Variants in DNTTIP1 observed in about 807,000 individuals in gnomAD.
DNTTIP1 encodes the protein deoxynucleotidyltransferase terminal interacting protein 1.
Under a neutral mutation model 52.9 loss-of-function variants are expected in DNTTIP1, and 22 were observed. That is an observed-to-expected ratio of 0.42 (90% CI 0.30 to 0.59). DNTTIP1 has a LOEUF of 0.59. DNTTIP1 is among the 20% of genes least tolerant of loss of function. The pLI, the probability that DNTTIP1 is intolerant of heterozygous loss-of-function variation, is 0.22. For missense variants in DNTTIP1, 286 were observed against 435.5 expected (o/e 0.66, Z 3.06); for synonymous variants, 136 against 155.1 (o/e 0.88, Z 0.92).
Position 45,792,095 on chromosome 20 carries a change from C to T in DNTTIP1, c.91C>T (p.Gln31Ter). Residue 31 changes from glutamine to a stop codon, truncating the protein, a stop_gained, in exon 1 of 13, where the codon CAG becomes TAG. Transcript: ENST00000372622. LOFTEE classifies it high-confidence loss of function. ...GCTGGGGGATGCGGGCGCAGCGGGG[C>T]AGCTGGTTCTTACGGTGAGGGCGCC... Reference protein sequence around the residue: ...LELGDAGAAGQLVLTNPWNIM... With the variant: ...LELGDAGAAG The T allele has an allele frequency of 7.8e-7, 1 of 1,285,256 alleles. No individual in the cohort carries two copies. The highest frequency in any genetic ancestry group is 2.8e-5 in the East Asian group (1 of 35,448). 79.6% of individuals were successfully genotyped at this position (1,285,256 alleles called of 1,614,324 possible).
chr20:45,803,859 C>T (rs936643090), intron 8 of DNTTIP1, among the ~76,000 whole-genome samples: 2 of 152,198 alleles, frequency 1.3e-5, no homozygotes, highest in South Asian at 2.1e-4. Context: ...CGTAAGTGAT[C>T]GAGCTGAGTC....
chr20:45,803,072 C>T, intron 7 of DNTTIP1: 1 of 450,326 alleles, frequency 2.2e-6, no homozygotes, highest in South Asian at 3.2e-5. Flanking sequence ...CTGTTTTTGT[C>T]TCTTTTGACA....
Position 45,793,958 on chromosome 20 carries a change from G to T in DNTTIP1, c.214G>T (p.Ala72Ser). 1 of 1,601,212 alleles carries T rather than the reference G, an allele frequency of 6.2e-7. No homozygotes were observed. The highest frequency in any genetic ancestry group is 8.5e-7 in the Non-Finnish European group (1 of 1,173,776). The change falls in exon 3 of 13, where the codon GCT (alanine) becomes TCT (serine). Residue 72 changes from alanine to serine, a missense_variant. By Grantham distance (99) the Ala-to-Ser change is moderately conservative. Coordinates refer to ENST00000372622, the MANE Select transcript of DNTTIP1 (RefSeq NM_052951.3). ...TGCCATCTCCATGGATCTCCTCCGAGCTGTCCTGCAGCCCAGCATCAACGA... is the reference window on the plus strand; with the variant it reads ...TGCCATCTCCATGGATCTCCTCCGATCTGTCCTGCAGCCCAGCATCAACGA... ...DPAISMDLLR[A>S]VLQPSINEEI... is the part of the protein sequence containing the mutation.
chr20:45,806,488 C>T (rs117236637), intron 10 of DNTTIP1, among the ~76,000 whole-genome samples: 356 of 152,346 alleles, frequency 2.3e-3, no homozygotes, highest in Non-Finnish European at 3.3e-3. Context: ...TAAACTCACT[C>T]ACCCTCTTAG....
chr20:45,801,113 A>G lies in DNTTIP1; in HGVS notation c.412A>G (p.Arg138Gly), dbSNP rs777952452. Reference protein sequence around the residue: ...LFSDGEKVIPRLTHELPGIKR... With the variant: ...LFSDGEKVIPGLTHELPGIKR... ...TTCAGATGGAGAAAAAGTAATACCC[A>G]GATTGACCCATGAGCTTCCAGGAAT... is the stretch of plus-strand genomic sequence containing the variant. Residue 138 changes from arginine (R) to glycine (G), a missense_variant, in exon 5 of 13, where the codon AGA becomes GGA. By Grantham distance (125) the Arg-to-Gly change is moderately radical. Around this residue, in one of 2 missense-constraint regions of DNTTIP1, gnomAD observed 208 missense variants for 266.5 expected, o/e 0.78. Coordinates refer to ENST00000372622, the MANE Select transcript of DNTTIP1 (RefSeq NM_052951.3). 1 of 1,614,056 alleles carries G rather than the reference A, an allele frequency of 6.2e-7. No individual in the cohort carries two copies. The highest frequency in any genetic ancestry group is 8.5e-7 in the Non-Finnish European group (1 of 1,180,042).
At chr20:45,801,254 C>A in intron 5 of DNTTIP1, 112 bp downstream of exon 5, 3 of 1,375,938 alleles carry the variant, frequency 2.2e-6, no homozygotes, top group Non-Finnish European at 3.1e-6. Flanking sequence ...TAGGACCAGG[C>A]CCACACAGCA....
rs1224705707 is a variant in DNTTIP1, at chr20:45,803,378, G to A, written c.603G>A (p.Lys201=). The change falls in exon 8 of 13, where the codon AAG becomes AAA. Residue 201 remains lysine (K), a splice_region_variant and synonymous_variant. Transcript: ENST00000372622. The part of the protein sequence containing the change: ...SCEPIRREGP[K]WDPARLNEST... Reference sequence around the variant, plus strand: ...AACCAATTCGCCGGGAAGGCCCCAAGGTATGATTATGTGAGCATGGCAGAG... The same window carrying A: ...AACCAATTCGCCGGGAAGGCCCCAAAGTATGATTATGTGAGCATGGCAGAG... The A allele has an allele frequency of 1.2e-6, 2 of 1,614,122 alleles. No individual in the cohort carries two copies. The highest frequency in any genetic ancestry group is 2.2e-5 in the East Asian group (1 of 44,872).
At chr20:45,797,892 A>G (rs1316316360) in intron 4 of DNTTIP1, among the ~76,000 whole-genome samples, 1 of 152,196 alleles carries the variant, frequency 6.6e-6, no homozygotes, top group Non-Finnish European at 1.5e-5. Context: ...TGGGACCGTA[A>G]ACTAGTTCAA....
rs79931112 is a variant in DNTTIP1, at chr20:45,810,825, G to A, written c.796-60G>A. On this transcript the variant is annotated intron_variant, in intron 11 of 12. Coordinates refer to ENST00000372622, the MANE Select transcript of DNTTIP1 (RefSeq NM_052951.3). ...ACATTAAACAGATGTTTAATGAAGTGTTACTGAGTTGGAGTGAAATGAATC... is the reference window on the plus strand; with the variant it reads ...ACATTAAACAGATGTTTAATGAAGTATTACTGAGTTGGAGTGAAATGAATC... 2.9e-4 allele frequency: 436 copies of A among 1,493,724 alleles called. No homozygotes were observed. In the African/African-American group the frequency reaches 5.3e-3, roughly 18 times the overall value. The allele number at this position is 1,493,724 out of a possible 1,614,324, so 92.5% of individuals were successfully genotyped here. A position where few individuals can be genotyped will look rare whatever the true frequency, so the allele number is the denominator to read the frequency against.
rs188669271 is a variant in DNTTIP1 at position 45,796,425 on chromosome 20, T to G, written c.372+982T>G. On this transcript the variant is annotated intron_variant, in intron 4 of 12. Coordinates refer to ENST00000372622, the MANE Select transcript of DNTTIP1 (RefSeq NM_052951.3). ...AGAAATGGCTTAAGACACATAATAA[T>G]TAGAATAGCTAAGATCTGTCTCACC... is the stretch of plus-strand genomic sequence containing the variant. 1.9e-5 allele frequency: 9 copies of G among 466,670 alleles called. No individual in the cohort carries two copies. The East Asian group carries it at 4.9e-4, about 25-fold the overall frequency. 28.9% of individuals were successfully genotyped at this position (466,670 alleles called of 1,614,324 possible). A position where few individuals can be genotyped will look rare whatever the true frequency, so the allele number is the denominator to read the frequency against.
chr20:45,792,261 C>T (rs1460674816), intron 1 of DNTTIP1, 152 bp downstream of exon 1: 1 of 447,694 alleles, frequency 2.2e-6, no homozygotes, highest in Non-Finnish European at 3.7e-6. Context: ...AATTCTGGTG[C>T]CGCCCTCCTA....
At chr20:45,800,994 CAAA>C (rs138893029) in intron 4 of DNTTIP1, 77 bp from the exon 5 acceptor site, 116 of 1,071,408 alleles carry the variant, frequency 1.1e-4, no homozygotes, top group Admixed American at 1.5e-4. Flanking sequence ...ACTCTGTCTC[CAAA>C]AAAAAAAAAG....
At chr20:45,800,671 T>C (rs1981398528) in intron 4 of DNTTIP1, among the ~76,000 whole-genome samples, 1 of 75,456 alleles carries the variant, frequency 1.3e-5, no homozygotes, top group Admixed American at 1.9e-4. Context: ...TGAAACTCCA[T>C]CTCAATTTAA....
At position 45,801,277 on chromosome 20, in the gene DNTTIP1, G is replaced by A. The variant is rs2145702004; in HGVS notation, c.442-125G>A. On this transcript the variant is annotated intron_variant, in intron 5 of 12. Transcript: ENST00000372622. ...GGCCCACACAGCATCATGCTGGATG[G>A]GCTTCTTTGGCCTGGGTCAGAGCGG... 15 of 1,389,648 alleles carry A rather than the reference G, an allele frequency of 1.1e-5. 2 individuals carry two copies. In the South Asian group the frequency reaches 1.6e-4, roughly 15 times the overall value. 86.1% of individuals were successfully genotyped at this position (1,389,648 alleles called of 1,614,324 possible). A position where few individuals can be genotyped will look rare whatever the true frequency, so the allele number is the denominator to read the frequency against.
Position 45,811,401 on chromosome 20 carries a change from CAGTTTGT to C in DNTTIP1, c.*210_*216del. 1.9e-6 allele frequency: 1 copy of C among 538,342 alleles called. No homozygotes were observed. The highest frequency in any genetic ancestry group is 3.2e-6 in the Non-Finnish European group (1 of 313,632). The allele number at this position is 538,342 out of a possible 1,614,324, so 33.3% of individuals were successfully genotyped here. On this transcript the variant is annotated 3_prime_UTR_variant, in exon 13 of 13. Coordinates refer to ENST00000372622, the MANE Select transcript of DNTTIP1 (RefSeq NM_052951.3). ...GTTATTGGGATAAGAAACAATTAAA[CAGTTTGT>C]AGTAAACACAGATGGTGAACCTGCT...
At chr20:45,801,336 C>G (rs2145702036) in intron 5 of DNTTIP1, 66 bp from the exon 6 acceptor site, 6 of 1,562,750 alleles carry the variant, frequency 3.8e-6, no homozygotes, top group Non-Finnish European at 5.3e-6. Flanking sequence ...CTGTCTTCTG[C>G]AACTCCAGAA....
At position 45,795,405 on chromosome 20, in the gene DNTTIP1, C is replaced by A; in HGVS notation, c.334C>A (p.Gln112Lys). ...DNVGEEVDAE[Q>K]LIQEACRSCL... ...TGTTGGGGAGGAGGTGGACGCAGAG[C>A]AGCTGATCCAGGAAGCCTGTCGGAG... Residue 112 changes from glutamine (Q) to lysine (K), a missense_variant, in exon 4 of 13, where the codon CAG (glutamine) becomes AAG (lysine). Coordinates refer to ENST00000372622, the MANE Select transcript of DNTTIP1 (RefSeq NM_052951.3). 6.2e-7 allele frequency: 1 copy of A among 1,611,214 alleles called. No individual in the cohort carries two copies. Among genetic ancestry groups the A allele is most frequent in the Non-Finnish European group, 8.5e-7 (1 of 1,178,608 alleles).
chr20:45,806,522 C>G (rs748219219), intron 10 of DNTTIP1, among the ~76,000 whole-genome samples: 4 of 152,184 alleles, frequency 2.6e-5, no homozygotes, highest in Non-Finnish European at 5.9e-5. Flanking sequence ...TTATCAGTCA[C>G]GAGAGCATCG....
chr20:45,803,340 C>T lies in DNTTIP1; in HGVS notation c.565C>T (p.Pro189Ser). Residue 189 changes from proline (P) to serine (S), a missense_variant, in exon 8 of 13, where the codon CCA becomes TCA. By Grantham distance (74) the Pro-to-Ser change is moderately conservative. This residue lies in a region of DNTTIP1 where 208 missense variants were observed against 266.5 expected (regional missense o/e 0.78). Coordinates refer to ENST00000372622, the MANE Select transcript of DNTTIP1 (RefSeq NM_052951.3). ...DRAAAGMVWK[P>S]KSCEPIRREG... is the part of the protein sequence containing the mutation. The stretch of plus-strand genomic sequence containing the variant: ...TTCTTTCCTTCCAAGCAGATGGAAA[C>T]CAAAATCCTGTGAACCAATTCGCCG... 6.2e-7 allele frequency: 1 copy of T among 1,614,152 alleles called. No homozygotes were observed.
Sources: allele counts gnomAD v4.1 joint callset (sites outside exome capture counted in the v4.1 genomes callset), GRCh38; gene constraint gnomAD v4.1.1; regional missense constraint gnomAD v4.1.1; transcripts MANE v1.5; gene names NCBI Gene and HGNC (gene_info 2026-07-23, HGNC 2026-07-21).